The following CDK14 variants were observed in gnomAD, a reference collection of about 807,000 sequenced individuals.
The protein encoded by CDK14 is cyclin-dependent kinase 14.
A neutral mutation model predicts 60.7 loss-of-function variants in CDK14; 34 were observed. The ratio of observed to expected loss-of-function variants is 0.56; its 90% CI spans 0.43 to 0.75. CDK14 has a LOEUF of 0.75. CDK14 is among the 30% of genes least tolerant of loss of function. The pLI, the probability that CDK14 is intolerant of heterozygous loss-of-function variation, is 0.00. For missense variants in CDK14, 482 were observed against 564.1 expected, an observed-to-expected ratio of 0.85 and a Z score of 1.47; for synonymous variants, 197 against 203.7, an observed-to-expected ratio of 0.97 and a Z score of 0.28.
At chr7:90,604,528 T>G (rs1443984592) in intron 2 of CDK14, among the ~76,000 whole-genome samples, 1 of 152,192 alleles carries the variant, frequency 6.6e-6, no homozygotes, top group Non-Finnish European at 1.5e-5. Flanking sequence ...GTGGTAGTGC[T>G]TGAGACACGC....
chr7:90,826,561 G>C (rs969475554), intron 5 of CDK14, among the ~76,000 whole-genome samples: 7 of 152,002 alleles, frequency 4.6e-5, no homozygotes, highest in African/African-American at 1.7e-4. Context: ...GGCACTGTTG[G>C]CCATCTCTGT....
chr7:91,129,703 A>T (rs1012147459), intron 14 of CDK14, among the ~76,000 whole-genome samples: 1 of 152,186 alleles, frequency 6.6e-6, no homozygotes, highest in Non-Finnish European at 1.5e-5. Flanking sequence ...TAATTTGTTG[A>T]TAAAATTAGA....
intron 14 of CDK14, among the ~76,000 whole-genome samples, chr7:91,202,769 T>A (rs982321244): frequency 6.6e-6 from 1 of 152,064 alleles, no homozygotes; most frequent in East Asian, 1.9e-4. Flanking sequence ...TGGGAAAGAG[T>A]CTGCCTCTCA....
intron 12 of CDK14, among the ~76,000 whole-genome samples, chr7:91,094,870 T>C (rs542331340): frequency 6.6e-6 from 1 of 152,296 alleles, no homozygotes; most frequent in East Asian, 1.9e-4. Flanking sequence ...ACAACCCACT[T>C]CTTCATAAAC....
At chr7:91,035,824 C>A (rs1377256880) in intron 10 of CDK14, among the ~76,000 whole-genome samples, 1 of 144,464 alleles carries the variant, frequency 6.9e-6, no homozygotes, top group Non-Finnish European at 1.5e-5. Context: ...AGGCCCTCTG[C>A]TTCATGGTCT....
chr7:90,703,446 T>C (rs1388280824), intron 2 of CDK14, among the ~76,000 whole-genome samples: 1 of 152,200 alleles, frequency 6.6e-6, no homozygotes, highest in Non-Finnish European at 1.5e-5. Context: ...CGTGCCCATG[T>C]GAATGCCCAT....
rs929113090 is a variant in CDK14, at chr7:90,858,308, G to T, written c.545-4867G>T. Reference sequence around the variant, plus strand: ...CACAGTAGGAAATGATGGGTGTGAAGATATTACTTTGAGAAGTGAGAAACA... The same window carrying T: ...CACAGTAGGAAATGATGGGTGTGAATATATTACTTTGAGAAGTGAGAAACA... On this transcript the variant is annotated intron_variant, in intron 5 of 14. Transcript: ENST00000380050. Among the ~76,000 whole-genome samples the T allele has an allele frequency of 5.9e-5, 9 of 152,156 alleles. No homozygotes were observed. The East Asian group carries it at 1.7e-3, about 29-fold the overall frequency.
At chr7:90,961,990 G>C (rs963654041) in intron 9 of CDK14, among the ~76,000 whole-genome samples, 1 of 152,340 alleles carries the variant, frequency 6.6e-6, no homozygotes, top group South Asian at 2.1e-4. Context: ...ACATTTGAGT[G>C]TTTAATTCAC....
In CDK14 at chr7:90,826,141, CA is replaced by C. The variant is rs773955153; in HGVS notation, c.544+35495del. On this transcript the variant is annotated intron_variant, in intron 5 of 14. Coordinates refer to ENST00000380050, the MANE Select transcript of CDK14 (RefSeq NM_001287135.2). ...CTCTTAAATGTTATAATTTCACAATCAAAAAACTTTGCAACCAGTTGTCCAC... is the reference window on the plus strand; with the variant it reads ...CTCTTAAATGTTATAATTTCACAATCAAAAACTTTGCAACCAGTTGTCCAC... 1.6e-4 allele frequency among the ~76,000 whole-genome samples: 25 copies of C among 152,246 alleles called. No homozygotes were observed. In the Middle Eastern group the frequency reaches 0.014, roughly 83 times the overall value.
chr7:90,787,833 A>AG (rs1225171409), intron 4 of CDK14, among the ~76,000 whole-genome samples: 4 of 152,334 alleles, frequency 2.6e-5, no homozygotes, highest in African/African-American at 9.6e-5. Context: ...CCATGAACCT[A>AG]GGTCTTGTTT....
intron 9 of CDK14, among the ~76,000 whole-genome samples, chr7:90,967,945 C>T (rs1794806492): frequency 6.6e-6 from 1 of 152,158 alleles, no homozygotes; most frequent in South Asian, 2.1e-4. Context: ...ACAATAGTTA[C>T]TAAAGATGCC....
chr7:91,084,837 G>C (rs1050759557), intron 12 of CDK14, among the ~76,000 whole-genome samples: 16 of 152,294 alleles, frequency 1.1e-4, no homozygotes, highest in Admixed American at 2.6e-4. Context: ...TCATCCAAAA[G>C]TGCACGCTTA....
chr7:90,709,836 T>G, intron 2 of CDK14: 1 of 1,401,642 alleles, frequency 7.1e-7, no homozygotes, highest in South Asian at 1.6e-5. Context: ...CCATTTCAGC[T>G]TGCTAGTGCA....
chr7:90,732,250 T>G (rs1033441281), intron 3 of CDK14, among the ~76,000 whole-genome samples: 1 of 152,160 alleles, frequency 6.6e-6, no homozygotes, highest in African/African-American at 2.4e-5. Context: ...GCCAGTATTT[T>G]ATTGAGAATT....
chr7:90,762,243 C>G (rs1415625333), intron 4 of CDK14, among the ~76,000 whole-genome samples: 2 of 152,068 alleles, frequency 1.3e-5, no homozygotes, highest in Admixed American at 1.3e-4. Context: ...GTGTTTTATA[C>G]CAAATGAAGG....
intron 11 of CDK14, 105 bp downstream of exon 11, chr7:91,046,065 CT>C (rs1797223515): frequency 1.4e-6 from 1 of 730,766 alleles, no homozygotes; most frequent in Non-Finnish European, 2.4e-6. Context: ...ATTCTGGTTA[CT>C]TTTGCCATTG....
chr7:90,835,756 A>T (rs1790074399), intron 5 of CDK14, among the ~76,000 whole-genome samples: 1 of 152,150 alleles, frequency 6.6e-6, no homozygotes, highest in Non-Finnish European at 1.5e-5. Context: ...AACAGAGTGC[A>T]TTCTGATAAA....
chr7:90,612,381 A>T (rs1799558683), intron 2 of CDK14, among the ~76,000 whole-genome samples: 2 of 152,042 alleles, frequency 1.3e-5, no homozygotes, highest in African/African-American at 4.8e-5. Flanking sequence ...CTGACTCTTG[A>T]TCTAGTTCAG....
chr7:90,942,175 A>G (rs1460299321), intron 8 of CDK14, among the ~76,000 whole-genome samples: 1 of 152,150 alleles, frequency 6.6e-6, no homozygotes, highest in East Asian at 1.9e-4. Context: ...CTCTCTGACT[A>G]GGGCCGGATT....
Sources: allele counts gnomAD v4.1 joint callset (sites outside exome capture counted in the v4.1 genomes callset), GRCh38; gene constraint gnomAD v4.1.1; transcripts MANE v1.5; gene names NCBI Gene and HGNC (gene_info 2026-07-23, HGNC 2026-07-21).